Variants in KIAA1217 observed in about 807,000 individuals in gnomAD.
KIAA1217 encodes sickle tail protein homolog.
A neutral mutation model predicts 163.9 loss-of-function variants in KIAA1217; 88 were observed. The ratio of observed to expected loss-of-function variants is 0.54; its 90% CI spans 0.45 to 0.64. The LOEUF (loss-of-function observed/expected upper bound fraction) is 0.64. KIAA1217 is among the 30% of genes least tolerant of loss of function. The pLI is 0.00. For missense variants in KIAA1217, 2,372 were observed against 2,475.0 expected, an observed-to-expected ratio of 0.96 and a Z score of 0.88; for synonymous variants, 903 against 923.1, an observed-to-expected ratio of 0.98 and a Z score of 0.39.
chr10:23,950,749 A>G (rs1844301125), intron 1 of KIAA1217, among the ~76,000 whole-genome samples: 1 of 152,100 alleles, frequency 6.6e-6, no homozygotes, highest in African/African-American at 2.4e-5. Flanking sequence ...GAGACGGTTT[A>G]TCACTATCTG....
chr10:24,484,241 A>ATTTTTTTTT (rs59233394), intron 6 of KIAA1217, among the ~76,000 whole-genome samples: 10 of 75,160 alleles, frequency 1.3e-4, no homozygotes, highest in East Asian at 4.6e-4. Flanking sequence ...ATATATATAT[A>ATTTTTTTTT]TTTTTTTTTT....
At chr10:23,776,837 C>T (rs923765304) in intron 1 of KIAA1217, among the ~76,000 whole-genome samples, 2 of 151,842 alleles carry the variant, frequency 1.3e-5, no homozygotes, top group South Asian at 2.1e-4. Flanking sequence ...TGCACCACCA[C>T]ACCCGGCTAA....
chr10:24,290,986 T>C (rs2079038091), intron 2 of KIAA1217, among the ~76,000 whole-genome samples: 1 of 152,232 alleles, frequency 6.6e-6, no homozygotes, highest in South Asian at 2.1e-4. Context: ...TTGTGCCCTC[T>C]TTTCAAAGTT....
intron 1 of KIAA1217, among the ~76,000 whole-genome samples, chr10:24,218,614 G>A (rs1415988361): frequency 1.3e-5 from 2 of 151,716 alleles, no homozygotes; most frequent in Admixed American, 6.6e-5. Context: ...TCAGCCTCCC[G>A]AGTAGCTGGG....
chr10:24,232,918 G>A (rs2071622624), intron 2 of KIAA1217, among the ~76,000 whole-genome samples: 1 of 66,808 alleles, frequency 1.5e-5, no homozygotes, highest in South Asian at 5.4e-4. Context: ...GAGCAACATG[G>A]TAAAACCTTA....
intron 2 of KIAA1217, chr10:24,255,502 C>G: frequency 6.6e-6 from 3 of 455,668 alleles, no homozygotes; most frequent in South Asian, 4.7e-5. Context: ...GACATGAAGA[C>G]CCATGTCTGC....
chr10:24,521,910 G>A lies in KIAA1217; in HGVS notation c.2437G>A (p.Val813Ile), dbSNP rs560634485. The change falls in exon 12 of 21, where the codon GTC (valine) becomes ATC (isoleucine). Residue 813 changes from valine (V) to isoleucine (I), a missense_variant. By Grantham distance (29) the Val-to-Ile change is conservative. Coordinates refer to ENST00000376454, the MANE Select transcript of KIAA1217 (RefSeq NM_019590.5). ...LLKRVRSMTD[V>I]LTMLRRHVTD... ...GAAGCGTGTGCGCAGCATGACAGAC[G>A]TCCTGACCATGCTGCGGAGGTGACC... The A allele has an allele frequency of 3.0e-5, 49 of 1,612,014 alleles. No individual in the cohort carries two copies. Among genetic ancestry groups the A allele is most frequent in the African/African-American group, 2.1e-4 (16 of 75,020 alleles).
chr10:23,937,263 G>A (rs902569527), intron 1 of KIAA1217, among the ~76,000 whole-genome samples: 18 of 152,102 alleles, frequency 1.2e-4, no homozygotes, highest in African/African-American at 3.9e-4. Context: ...AGGGAGGAGC[G>A]CACCTACTAT....
chr10:24,513,382 C>G lies in KIAA1217; in HGVS notation c.2125C>G (p.Gln709Glu), dbSNP rs1392771140. 6.2e-7 allele frequency: 1 copy of G among 1,614,130 alleles called. No homozygotes were observed. Among genetic ancestry groups the G allele is most frequent in the Non-Finnish European group, 8.5e-7 (1 of 1,180,018 alleles). The part of the protein sequence containing the change: ...PVQRQRVLVE[Q>E]ERQKYLHEEE... ...GCAGCGACAGCGCGTCCTAGTGGAGCAAGAGAGACAAAAATATCTTCATGA... is the reference window on the plus strand; with the variant it reads ...GCAGCGACAGCGCGTCCTAGTGGAGGAAGAGAGACAAAAATATCTTCATGA... Residue 709 changes from glutamine (Q) to glutamate (E), a missense_variant, in exon 10 of 21, where the codon CAA becomes GAA. Coordinates refer to ENST00000376454, the MANE Select transcript of KIAA1217 (RefSeq NM_019590.5).
At chr10:24,464,285 T>C (rs1365088677) in intron 5 of KIAA1217, among the ~76,000 whole-genome samples, 3 of 152,126 alleles carry the variant, frequency 2.0e-5, no homozygotes, top group African/African-American at 4.8e-5. Flanking sequence ...TAATGACGAA[T>C]CCATGCATGC....
intron 1 of KIAA1217, among the ~76,000 whole-genome samples, chr10:23,843,234 A>G (rs1838872516): frequency 6.6e-6 from 1 of 152,226 alleles, no homozygotes; most frequent in Non-Finnish European, 1.5e-5. Flanking sequence ...TATTATTAAA[A>G]ATTACAGCAA....
rs75212762 is a variant in KIAA1217, at chr10:23,772,638, C to T, written c.-321+77404C>T. Among the ~76,000 whole-genome samples, 237 of 152,190 alleles carry T rather than the reference C, an allele frequency of 1.6e-3. 13 individuals carry two copies. The East Asian group carries it at 0.028, about 18-fold the overall frequency. On this transcript the variant is annotated intron_variant, in intron 1 of 18. Transcript: ENST00000376462. ...GAAGGCCACACATCTCTGTATTATA[C>T]GATGTCATGCTGTTCATTTAGGAAT...
chr10:24,225,456 A>G (rs528105498), intron 2 of KIAA1217, among the ~76,000 whole-genome samples: 5 of 152,322 alleles, frequency 3.3e-5, no homozygotes, highest in Admixed American at 3.3e-4. Flanking sequence ...TGAGCACCTG[A>G]AGAGGTTAAT....
Position 23,974,018 on chromosome 10 carries a change from A to G in KIAA1217, c.-320-33207A>G, listed in dbSNP as rs74327356. 2.0e-3 allele frequency among the ~76,000 whole-genome samples: 303 copies of G among 152,324 alleles called. 4 individuals are homozygous for G. The highest frequency in any genetic ancestry group is 6.9e-3 in the African/African-American group (287 of 41,572). ...AAGGATGAGACTGCTTTGGAATACA[A>G]TTTGGGTTTATTCATTAACCAAAAG... On this transcript the variant is annotated intron_variant, in intron 1 of 18. Coordinates refer to the KIAA1217 transcript ENST00000376462.
intron 2 of KIAA1217, among the ~76,000 whole-genome samples, chr10:24,118,914 C>T (rs2063168693): frequency 6.6e-6 from 1 of 152,100 alleles, no homozygotes; most frequent in Non-Finnish European, 1.5e-5. Flanking sequence ...TTTAAAATAT[C>T]ACTCAAAGTA....
intron 1 of KIAA1217, among the ~76,000 whole-genome samples, chr10:23,961,562 A>G (rs1002584145): frequency 6.6e-6 from 1 of 152,198 alleles, no homozygotes; most frequent in Non-Finnish European, 1.5e-5. Context: ...ACATTTTCCC[A>G]TGTGTTCTTA....
intron 5 of KIAA1217, among the ~76,000 whole-genome samples, chr10:24,453,297 G>A (rs1408010870): frequency 6.6e-6 from 1 of 152,178 alleles, no homozygotes; most frequent in East Asian, 1.9e-4. Flanking sequence ...GCCATCTTTT[G>A]TGGTACCTGA....
chr10:23,704,172 GTATATATATATATATATATATATATA>G lies in KIAA1217; in HGVS notation c.-321+8953_-321+8978del, dbSNP rs35533445. Among the ~76,000 whole-genome samples, 50 of 39,926 alleles carry G rather than the reference GTATATATATATATATATATATATATA, an allele frequency of 1.3e-3. 3 individuals are homozygous for G. The highest frequency in any genetic ancestry group is 8.0e-4 in the African/African-American group (6 of 7,472). 26.2% of individuals were successfully genotyped at this position (39,926 alleles called of 152,430 possible). ...TGTGTGTGTGTGTGTGTGTGTGTGT[GTATATATATATATATATATATATATA>G]TATATATATATATAGTGAGCTCAGT... On this transcript the variant is annotated intron_variant, in intron 1 of 18. Coordinates refer to the KIAA1217 transcript ENST00000376462.
intron 1 of KIAA1217, among the ~76,000 whole-genome samples, chr10:23,883,793 C>A (rs75576519): frequency 2.6e-5 from 4 of 152,022 alleles, no homozygotes; most frequent in African/African-American, 7.2e-5. Context: ...ATCTCTCCCC[C>A]CAACTCTTGA....
Sources: allele counts gnomAD v4.1 joint callset (sites outside exome capture counted in the v4.1 genomes callset), GRCh38; gene constraint gnomAD v4.1.1; transcripts MANE v1.5; gene names NCBI Gene and HGNC (gene_info 2026-07-23, HGNC 2026-07-21).